Variants in NLRP7 observed in about 807,000 individuals in gnomAD.
The protein encoded by NLRP7 is NACHT, LRR and PYD domains-containing protein 7.
NLRP7 carries 72 observed loss-of-function variants against 85.5 expected under a neutral mutation model. That is an observed-to-expected ratio of 0.84 (90% CI 0.70 to 1.02). The LOEUF is 1.02. NLRP7 is among the 50% of genes least tolerant of loss of function. The pLI is 0.00. For synonymous variants in NLRP7, 550 were observed against 505.2 expected, an observed-to-expected ratio of 1.09 and a Z score of -1.19; for missense variants, 1,243 against 1,219.5, an observed-to-expected ratio of 1.02 and a Z score of -0.29.
Position 54,934,752 on chromosome 19 carries a change from C to A in NLRP7, c.2301-93G>T. On this transcript the variant is annotated intron_variant, in intron 6 of 9. Transcript: ENST00000340844. This position sits in a 1 kb window ranked among gnomAD's most constrained non-coding sequence, Gnocchi z 6.7. ...TGAGACAGAGTTTCACTCTGTTGCC[C>A]AGTCTGGAATGCAAAGGCGTGATCT... 1.8e-6 allele frequency: 2 copies of A among 1,086,454 alleles called. No individual in the cohort carries two copies. Among genetic ancestry groups the A allele is most frequent in the Non-Finnish European group, 2.6e-6 (2 of 762,074 alleles). 67.3% of individuals were successfully genotyped at this position (1,086,454 alleles called of 1,614,324 possible).
In NLRP7 at chr19:54,940,495, G is replaced by A. The variant is rs538656162; in HGVS notation, c.353-29C>T. ...CAGTGACAGCCCATAGGACAGTTGA[G>A]GTTGATGATGATGATTTTCTGAATT... On this transcript the variant is annotated intron_variant, in intron 3 of 9. Coordinates refer to ENST00000340844, the Ensembl canonical transcript of NLRP7. The A allele has an allele frequency of 6.8e-6, 11 of 1,610,926 alleles. No homozygotes were observed. The South Asian group carries it at 1.2e-4, about 18-fold the overall frequency.
chr19:54,934,597 T>C lies in NLRP7; in HGVS notation c.2363A>G (p.Asn788Ser). The change falls in exon 7 of 10, where the codon AAC (asparagine) becomes AGC (serine). Residue 788 changes from asparagine to serine, a missense_variant. Physicochemically the swap from Asn to Ser is conservative, Grantham distance 46. This residue lies in a region of NLRP7 where 613 missense variants were observed against 588.4 expected (regional missense o/e 1.04). Transcript: ENST00000340844. The surrounding 1 kb of genome is among the most constrained non-coding windows in gnomAD (Gnocchi z 6.7). ...GAGACGCAGGTGCTTCAGGGACTGG[T>C]TGGCTTTGAGGACATAGAAGAATTC... 7.4e-6 allele frequency: 12 copies of C among 1,614,126 alleles called. No homozygotes were observed. The highest frequency in any genetic ancestry group is 1.0e-5 in the Non-Finnish European group (12 of 1,180,002).
intron 9 of NLRP7, among the ~76,000 whole-genome samples, chr19:54,925,159 G>A (rs1005842426): frequency 6.6e-6 from 1 of 151,986 alleles, no homozygotes; most frequent in Admixed American, 6.6e-5. Flanking sequence ...TCCCACCTTG[G>A]CCTCCCAAAG....
chr19:54,962,807 G>T (rs377486988), intron 1 of NLRP7, among the ~76,000 whole-genome samples: 20 of 150,148 alleles, frequency 1.3e-4, no homozygotes, highest in African/African-American at 4.4e-4. Context: ...CACCGTGTTA[G>T]CCAGGATGGT....
intron 2 of NLRP7, 74 bp from the exon 3 acceptor site, chr19:54,941,079 G>A: frequency 3.5e-6 from 4 of 1,143,484 alleles, no homozygotes; most frequent in Non-Finnish European, 5.3e-6. Context: ...TACATAAAGT[G>A]TCAGCCAGGC....
chr19:54,929,517 T>G (rs269941), intron 9 of NLRP7, among the ~76,000 whole-genome samples: 98,176 of 152,006 alleles, frequency 0.65, 32,756 homozygotes, highest in East Asian at 0.83. Flanking sequence ...TGACAAACTT[T>G]GGGGAGAGAA....
At chr19:54,952,526 G>A (rs2069702846) in intron 1 of NLRP7, among the ~76,000 whole-genome samples, 2 of 151,848 alleles carry the variant, frequency 1.3e-5, no homozygotes, top group South Asian at 2.1e-4. Flanking sequence ...CCTGGGAGGC[G>A]GAGGTTGCAG....
At chr19:54,959,788 G>C (rs904495119) in intron 1 of NLRP7, among the ~76,000 whole-genome samples, 2 of 151,928 alleles carry the variant, frequency 1.3e-5, no homozygotes, top group African/African-American at 4.8e-5. Flanking sequence ...TCTCATGGAT[G>C]TCTGTCTGTA....
chr19:54,943,701 G>A (rs889349270), intron 1 of NLRP7, among the ~76,000 whole-genome samples: 28 of 152,156 alleles, frequency 1.8e-4, no homozygotes, highest in African/African-American at 6.3e-4. Flanking sequence ...TTTACCCTTG[G>A]AGGGAACAGC....
chr19:54,954,269 G>A (rs1419116983), intron 1 of NLRP7, among the ~76,000 whole-genome samples: 1 of 148,654 alleles, frequency 6.7e-6, no homozygotes, highest in African/African-American at 2.5e-5. Flanking sequence ...GGTCACGCCT[G>A]TAATCCCAGC....
Position 54,930,485 on chromosome 19 carries a change from A to G in NLRP7, c.2810+14T>C. On this transcript the variant is annotated intron_variant, in intron 9 of 9. Coordinates refer to ENST00000340844, the Ensembl canonical transcript of NLRP7. Reference sequence around the variant, plus strand: ...TCAAAAAAAGAAAGAAAGAAGAAAAAGAAAATCGCCTACCGTAGGTGTTTT... The same window carrying G: ...TCAAAAAAAGAAAGAAAGAAGAAAAGGAAAATCGCCTACCGTAGGTGTTTT... 1 of 1,580,696 alleles carries G rather than the reference A, an allele frequency of 6.3e-7. No individual in the cohort carries two copies. Among genetic ancestry groups the G allele is most frequent in the Non-Finnish European group, 8.7e-7 (1 of 1,150,446 alleles).
chr19:54,960,646 A>C (rs1361711815), intron 1 of NLRP7, among the ~76,000 whole-genome samples: 2 of 151,786 alleles, frequency 1.3e-5, no homozygotes, highest in African/African-American at 4.8e-5. Flanking sequence ...CCTAGGCTGG[A>C]GTGCAGTGGT....
At chr19:54,945,238 C>CAAAA (rs75770706) in intron 1 of NLRP7, among the ~76,000 whole-genome samples, 1 of 69,694 alleles carries the variant, frequency 1.4e-5, no homozygotes, top group Non-Finnish European at 3.0e-5. Flanking sequence ...GACTCCCTCT[C>CAAAA]AAAAAAAAAA....
chr19:54,942,681 C>T (rs1362504944), intron 1 of NLRP7, among the ~76,000 whole-genome samples: 1 of 152,112 alleles, frequency 6.6e-6, no homozygotes, highest in Non-Finnish European at 1.5e-5. Context: ...CGCCATTGCA[C>T]TCGAGCCTCG....
intron 1 of NLRP7, among the ~76,000 whole-genome samples, chr19:54,964,601 T>C (rs1264057161): frequency 6.6e-6 from 1 of 151,738 alleles, no homozygotes; most frequent in Non-Finnish European, 1.5e-5. Context: ...GGCTGGCAGA[T>C]CACCTGAGGT....
chr19:54,962,180 A>G (rs1440962919), intron 1 of NLRP7, among the ~76,000 whole-genome samples: 1 of 151,100 alleles, frequency 6.6e-6, no homozygotes, highest in Admixed American at 6.7e-5. Flanking sequence ...AAAAAAAAGA[A>G]AAAATGAAAA....
chr19:54,940,093 T>C lies in NLRP7; in HGVS notation c.726A>G (p.Leu242=), dbSNP rs756920903. 10 of 1,614,196 alleles carry C rather than the reference T, an allele frequency of 6.2e-6. No individual in the cohort carries two copies. The Admixed American group carries it at 8.3e-5, about 13-fold the overall frequency. The change falls in exon 4 of 10, where the codon CTA becomes CTG. Residue 242 remains leucine, a synonymous_variant. Coordinates refer to ENST00000340844, the Ensembl canonical transcript of NLRP7. ...CGAACAGGATTCTCTGTGCTTGGGC[T>C]AGGATGCTTGGAATGTCATCCTGCA... is the stretch of plus-strand genomic sequence containing the variant.
At chr19:54,939,750 A>T in exon 4 of NLRP7, 1 of 1,613,608 alleles carries the variant, frequency 6.2e-7, no homozygotes, top group Non-Finnish European at 8.5e-7. Flanking sequence ...CCCAGCTGGA[A>T]CAGGGCCGCG....
chr19:54,962,878 C>T (rs970211638), intron 1 of NLRP7, among the ~76,000 whole-genome samples: 11 of 152,074 alleles, frequency 7.2e-5, no homozygotes, highest in African/African-American at 1.4e-4. Flanking sequence ...GGATTACAGG[C>T]GTGAGGCACC....
Sources: allele counts gnomAD v4.1 joint callset (sites outside exome capture counted in the v4.1 genomes callset), GRCh38; gene constraint gnomAD v4.1.1; regional missense constraint gnomAD v4.1.1; non-coding constraint Gnocchi (gnomAD v3.1); transcripts MANE v1.5; gene names NCBI Gene and HGNC (gene_info 2026-07-23, HGNC 2026-07-21).